ARID1B: variants seen among roughly 807,000 people sequenced by gnomAD.
ARID1B encodes AT-rich interactive domain-containing protein 1B.
A neutral mutation model predicts 212.3 loss-of-function variants in ARID1B; 30 were observed. The ratio of observed to expected loss-of-function variants is 0.14; its 90% CI spans 0.11 to 0.19. The LOEUF (loss-of-function observed/expected upper bound fraction) is 0.19, where lower values mean the gene tolerates loss of function less well. Among genes scored for constraint, ARID1B ranks in the 10% least tolerant of loss-of-function variants. The probability of loss-of-function intolerance (pLI) is 1.00; values close to 1 mark genes in which losing one functional copy is unlikely to be tolerated. For synonymous variants in ARID1B, 1,402 were observed against 1,301.7 expected (o/e 1.08, Z -1.66); for missense variants, 2,891 against 3,204.0 (o/e 0.90, Z 2.36).
At chr6:156,930,585 A>G (rs944800504) in intron 3 of ARID1B, among the ~76,000 whole-genome samples, 1 of 152,248 alleles carries the variant, frequency 6.6e-6, no homozygotes, top group African/African-American at 2.4e-5. Flanking sequence ...ATGTGAAGAT[A>G]TATGCGTAAG....
At chr6:156,898,216 ATATGAGT>A (rs1240060032) in intron 2 of ARID1B, among the ~76,000 whole-genome samples, 3 of 152,194 alleles carry the variant, frequency 2.0e-5, no homozygotes, top group African/African-American at 7.2e-5. Context: ...CCGTCTGGTT[ATATGAGT>A]TATCCTGCAT....
intron 2 of ARID1B, among the ~76,000 whole-genome samples, chr6:156,834,779 A>G (rs976010004): frequency 6.6e-6 from 1 of 152,292 alleles, no homozygotes; most frequent in East Asian, 1.9e-4. Context: ...CGTTGGCCAC[A>G]TTTTGTCATG....
chr6:157,205,949 A>G (rs1475582038), intron 19 of ARID1B: 1 of 584,936 alleles, frequency 1.7e-6, no homozygotes, highest in African/African-American at 1.8e-5. Flanking sequence ...CAAATAAGGA[A>G]CATGCTAAAC....
intron 4 of ARID1B, among the ~76,000 whole-genome samples, chr6:157,058,002 C>T (rs7356803): frequency 3.2e-3 from 489 of 152,200 alleles, no homozygotes; most frequent in African/African-American, 0.011. Context: ...TGGATGCACC[C>T]GTTTTTGGGA....
chr6:157,141,001 G>C (rs1381882581), intron 7 of ARID1B: 1 of 240,814 alleles, frequency 4.2e-6, no homozygotes, highest in African/African-American at 2.2e-5. Context: ...TTAGCACAGA[G>C]CCTGGCATGT....
chr6:156,779,347 T>C lies in ARID1B; in HGVS notation c.1667T>C (p.Met556Thr). Residue 556 changes from methionine (M) to threonine (T), a missense_variant, in exon 1 of 20, where the codon ATG becomes ACG. Met to Thr is a moderately conservative substitution (Grantham distance 81). Coordinates refer to ENST00000636930, the MANE Select transcript of ARID1B (RefSeq NM_001374828.1). ...GGCGGCCAGCAGGCGGCCGCGGGCA[T>C]GGGCTTGGGCAAGGACATGGGCGCC... ...AAGGQQAAAG[M>T]GLGKDMGAQY... 1 of 1,177,730 alleles carries C rather than the reference T, an allele frequency of 8.5e-7. No homozygotes were observed. The highest frequency in any genetic ancestry group is 3.9e-5 in the East Asian group (1 of 25,952). The allele number at this position is 1,177,730 out of a possible 1,614,324, so 73.0% of individuals were successfully genotyped here.
At chr6:156,953,868 T>A (rs191046251) in intron 4 of ARID1B, among the ~76,000 whole-genome samples, 1 of 152,224 alleles carries the variant, frequency 6.6e-6, no homozygotes, top group Admixed American at 6.5e-5. Context: ...TTAGAGTGGT[T>A]ACTGAACTAT....
intron 7 of ARID1B, among the ~76,000 whole-genome samples, chr6:157,145,963 T>C (rs1789694441): frequency 6.6e-6 from 1 of 152,218 alleles, no homozygotes; most frequent in Non-Finnish European, 1.5e-5. Flanking sequence ...ATTGCAGTTA[T>C]TAATCCAATC....
rs947212144 is a variant in ARID1B at position 156,787,040 on chromosome 6, A to G, written c.1791+7569A>G. ...AGGTTGTTGTGATATAGTTGATGTG[A>G]TCTAGTGACTCTTTTCCATTTCTAC... On this transcript the variant is annotated intron_variant, in intron 1 of 19. Coordinates refer to ENST00000636930, the MANE Select transcript of ARID1B (RefSeq NM_001374828.1). Among the ~76,000 whole-genome samples, 12 of 150,946 alleles carry G rather than the reference A, an allele frequency of 7.9e-5. No individual in the cohort carries two copies. In the South Asian group the frequency reaches 1.0e-3, roughly 13 times the overall value.
At chr6:157,152,908 C>T (rs1277772935) in intron 8 of ARID1B, among the ~76,000 whole-genome samples, 2 of 152,138 alleles carry the variant, frequency 1.3e-5, no homozygotes, top group Non-Finnish European at 2.9e-5. Context: ...TTTCTCAAGG[C>T]ACAATCCCAA....
At chr6:156,911,108 A>G (rs111953621) in intron 3 of ARID1B, among the ~76,000 whole-genome samples, 3,338 of 152,322 alleles carry the variant, frequency 0.022, 141 homozygotes, top group African/African-American at 0.076. Context: ...TGATATAGGA[A>G]TGTTGCATTG....
At chr6:157,194,236 C>G (rs1489240053) in intron 15 of ARID1B, 1 of 152,150 alleles carries the variant, frequency 6.6e-6, no homozygotes, top group East Asian at 1.9e-4. Context: ...TTAATTATGT[C>G]ACGTGATTTC....
At chr6:157,154,771 C>T (rs1428129037) in intron 8 of ARID1B, among the ~76,000 whole-genome samples, 3 of 151,780 alleles carry the variant, frequency 2.0e-5, no homozygotes, top group African/African-American at 4.8e-5. Context: ...TTAGTAGAGA[C>T]GGGCTTTCAC....
At chr6:156,796,178 C>T (rs1780361336) in intron 1 of ARID1B, among the ~76,000 whole-genome samples, 1 of 152,110 alleles carries the variant, frequency 6.6e-6, no homozygotes, top group African/African-American at 2.4e-5. Context: ...TCTCTTGTTT[C>T]CTATTTCATA....
At chr6:157,064,277 C>A (rs1389852030) in intron 4 of ARID1B, among the ~76,000 whole-genome samples, 1 of 152,134 alleles carries the variant, frequency 6.6e-6, no homozygotes, top group African/African-American at 2.4e-5. Context: ...TAGGAGTTGG[C>A]CTTGCTCTTT....
In ARID1B at chr6:157,039,616, A is replaced by ACCTACCTTCCTTCCTTCCTT. The variant is rs1562568901; in HGVS notation, c.2248-45043_2248-45042insACCTTCCTTCCTTCCTTCCT. ...TATTTTTGAATTCCAAAAGCTACCTACCTTCCTTCCTTCCTTCCTTCCTTC... is the reference window on the plus strand; with the variant it reads ...TATTTTTGAATTCCAAAAGCTACCTACCTACCTTCCTTCCTTCCTTCCTTCCTTCCTTCCTTCCTTCCTTC... On this transcript the variant is annotated intron_variant, in intron 4 of 19. Transcript: ENST00000636930. Among the ~76,000 whole-genome samples, 9 of 123,288 alleles carry ACCTACCTTCCTTCCTTCCTT rather than the reference A, an allele frequency of 7.3e-5. No individual in the cohort carries two copies. In the East Asian group the frequency reaches 1.8e-3, roughly 25 times the overall value. 80.9% of individuals were successfully genotyped at this position (123,288 alleles called of 152,430 possible).
Position 157,110,438 on chromosome 6 carries a change from C to A in ARID1B, c.2492-34C>A, listed in dbSNP as rs556146984. 1.2e-4 allele frequency: 186 copies of A among 1,592,452 alleles called. 2 individuals carry two copies. The South Asian group carries it at 2.0e-3, about 17-fold the overall frequency. On this transcript the variant is annotated intron_variant, in intron 5 of 19. Coordinates refer to ENST00000636930, the MANE Select transcript of ARID1B (RefSeq NM_001374828.1). Reference sequence around the variant, plus strand: ...GACTGCATTATTAATGCAAAGGGTTCCCCCATCTCCACTTTCCCTCCTGTG... The same window carrying A: ...GACTGCATTATTAATGCAAAGGGTTACCCCATCTCCACTTTCCCTCCTGTG...
At chr6:156,930,276 A>G (rs1791591197) in intron 3 of ARID1B, among the ~76,000 whole-genome samples, 1 of 152,150 alleles carries the variant, frequency 6.6e-6, no homozygotes, top group Admixed American at 6.5e-5. Context: ...GTGAGTTCTC[A>G]TGAGACCTGG....
intron 4 of ARID1B, among the ~76,000 whole-genome samples, chr6:156,980,024 A>G (rs1165362448): frequency 1.3e-5 from 2 of 152,136 alleles, no homozygotes; most frequent in Non-Finnish European, 2.9e-5. Context: ...CCATTTAAAC[A>G]TTGATTGTAA....
Sources: gnomAD v4.1 joint callset for allele counts (sites outside exome capture counted in the v4.1 genomes callset) on GRCh38, gnomAD v4.1.1 for gene constraint, MANE v1.5 for transcripts, NCBI Gene and HGNC (gene_info 2026-07-23, HGNC 2026-07-21) for gene names.